Variants in LEPR observed in about 807,000 individuals in gnomAD.
LEPR encodes leptin receptor.
In LEPR, 56 loss-of-function variants were observed where a neutral mutation model predicts 114.7. The observed-to-expected ratio is 0.49, with a 90% CI of 0.39 to 0.61. The LOEUF (loss-of-function observed/expected upper bound fraction) is 0.61, where lower values mean the gene tolerates loss of function less well. LEPR is among the 20% of genes least tolerant of loss of function. The probability of loss-of-function intolerance (pLI) is 0.00; values close to 1 mark genes in which losing one functional copy is unlikely to be tolerated. For missense variants in LEPR, 1,202 were observed against 1,352.9 expected, an observed-to-expected ratio of 0.89 and a Z score of 1.75; for synonymous variants, 443 against 461.4, an observed-to-expected ratio of 0.96 and a Z score of 0.51.
intron 2 of LEPR, among the ~76,000 whole-genome samples, chr1:65,476,386 C>G (rs1171068557): frequency 6.6e-6 from 1 of 151,962 alleles, no homozygotes; most frequent in Non-Finnish European, 1.5e-5. Flanking sequence ...ACGTGCTGTA[C>G]TAAGTGCTGG....
At chr1:65,544,235 C>A (rs1297120346) in intron 2 of LEPR, among the ~76,000 whole-genome samples, 1 of 151,900 alleles carries the variant, frequency 6.6e-6, no homozygotes, top group African/African-American at 2.4e-5. Flanking sequence ...TGATTTGGTG[C>A]TCTGTTTGCC....
At chr1:65,569,336 A>G (rs1481285600) in intron 3 of LEPR, among the ~76,000 whole-genome samples, 2 of 152,246 alleles carry the variant, frequency 1.3e-5, no homozygotes, top group Admixed American at 1.3e-4. Context: ...ATATAAGCCA[A>G]CACAATTGTT....
At chr1:65,537,599 C>A (rs1473869638) in intron 2 of LEPR, among the ~76,000 whole-genome samples, 3 of 151,918 alleles carry the variant, frequency 2.0e-5, no homozygotes, top group African/African-American at 7.3e-5. Context: ...TTGTCATTTC[C>A]ACCACGATAT....
At chr1:65,577,891 TG>T (rs1654704401) in intron 5 of LEPR, 1 of 150,772 alleles carries the variant, frequency 6.6e-6, no homozygotes, top group Non-Finnish European at 1.5e-5. Flanking sequence ...GCGTGTGCCA[TG>T]GTGGTTTGCT....
chr1:65,432,767 A>G, intron 2 of LEPR: 4 of 534,716 alleles, frequency 7.5e-6, no homozygotes, highest in Non-Finnish European at 9.6e-6. Flanking sequence ...AAATATAGGA[A>G]TAATTGAATG....
chr1:65,608,933 A>G, intron 12 of LEPR, 32 bp downstream of exon 12: 1 of 1,612,174 alleles, frequency 6.2e-7, no homozygotes, highest in Non-Finnish European at 8.5e-7. Flanking sequence ...AGCTTTCCTC[A>G]TTAAATGCTA....
At chr1:65,461,166 G>C (rs1283993137) in intron 2 of LEPR, among the ~76,000 whole-genome samples, 1 of 151,208 alleles carries the variant, frequency 6.6e-6, no homozygotes, top group Non-Finnish European at 1.5e-5. Context: ...GTAAAGATGG[G>C]GTTTTACCAT....
chr1:65,464,840 G>A (rs941357429), intron 2 of LEPR, among the ~76,000 whole-genome samples: 1 of 152,106 alleles, frequency 6.6e-6, no homozygotes, highest in African/African-American at 2.4e-5. Context: ...ATTCTCTGAT[G>A]GTAGTTTGTA....
intron 5 of LEPR, among the ~76,000 whole-genome samples, chr1:65,578,041 TG>T (rs2100836687): frequency 6.6e-6 from 1 of 151,376 alleles, no homozygotes; most frequent in East Asian, 1.9e-4. Flanking sequence ...CTCCCACTTA[TG>T]AGTGAGAACG....
At chr1:65,458,734 G>T (rs1646908420) in intron 2 of LEPR, among the ~76,000 whole-genome samples, 1 of 152,014 alleles carries the variant, frequency 6.6e-6, no homozygotes, top group Non-Finnish European at 1.5e-5. Context: ...TTTGGTGTCT[G>T]CTATTAATTT....
At chr1:65,481,361 A>C (rs7523344) in intron 2 of LEPR, among the ~76,000 whole-genome samples, 99,209 of 151,854 alleles carry the variant, frequency 0.65, 33,366 homozygotes, top group Middle Eastern at 0.82. Flanking sequence ...GGGAAAAAAA[A>C]CCCACAACTT....
Position 65,633,151 on chromosome 1 carries a change from G to C in LEPR, c.2674-3040G>C, listed in dbSNP as rs775498996. 1 of 1,584,266 alleles carries C rather than the reference G, an allele frequency of 6.3e-7. No individual in the cohort carries two copies. The highest frequency in any genetic ancestry group is 8.7e-7 in the Non-Finnish European group (1 of 1,155,160). ...TATTTTGTTTTATTTTATCTAAACAGAGAACGGACATTCTTTGAAGTCTAA... is the reference window on the plus strand; with the variant it reads ...TATTTTGTTTTATTTTATCTAAACACAGAACGGACATTCTTTGAAGTCTAA... On this transcript the variant is annotated intron_variant, in intron 19 of 19. Transcript: ENST00000349533. The surrounding 1 kb of genome is among the most constrained non-coding windows in gnomAD (Gnocchi z 4.1).
chr1:65,601,559 G>A lies in LEPR; in HGVS notation c.1162G>A (p.Val388Ile). 1 of 1,613,778 alleles carries A rather than the reference G, an allele frequency of 6.2e-7. No individual in the cohort carries two copies. Among genetic ancestry groups the A allele is most frequent in the Non-Finnish European group, 8.5e-7 (1 of 1,179,752 alleles). ...CCAGTATGATGTTGTGAGTGATCAT[G>A]TTAGCAAAGTTACTTTTTTCAATCT... ...QSQYDVVSDHVSKVTFFNLNE... is the reference protein window; with the variant it reads ...QSQYDVVSDHISKVTFFNLNE... The change falls in exon 9 of 20, where the codon GTT (valine) becomes ATT (isoleucine). Residue 388 changes from valine (V) to isoleucine (I), a missense_variant. By Grantham distance (29) the Val-to-Ile change is conservative (BLOSUM62 3). Transcript: ENST00000349533.
chr1:65,610,358 TG>T (rs1657089866), intron 14 of LEPR, 62 bp downstream of exon 14: 1 of 1,313,726 alleles, frequency 7.6e-7, no homozygotes, highest in Non-Finnish European at 1.1e-6. Context: ...ATTTACTTCA[TG>T]GTCCATAATC....
At chr1:65,575,686 C>A (rs1654536459) in intron 5 of LEPR, among the ~76,000 whole-genome samples, 1 of 151,260 alleles carries the variant, frequency 6.6e-6, no homozygotes, top group Non-Finnish European at 1.5e-5. Context: ...CTAAGAAAAT[C>A]ATGGCAAGTT....
intron 2 of LEPR, among the ~76,000 whole-genome samples, chr1:65,487,438 T>C: frequency 6.6e-6 from 1 of 152,118 alleles, no homozygotes; most frequent in East Asian, 1.9e-4. Context: ...GTATAGTAAG[T>C]AAATATTGGA....
intron 5 of LEPR, among the ~76,000 whole-genome samples, chr1:65,584,656 C>G (rs938881173): frequency 6.6e-6 from 1 of 151,968 alleles, no homozygotes; most frequent in Non-Finnish European, 1.5e-5. Flanking sequence ...TGAAAACAAG[C>G]GTACTAACTG....
chr1:65,614,192 C>T (rs1345157111), intron 14 of LEPR, among the ~76,000 whole-genome samples: 1 of 152,168 alleles, frequency 6.6e-6, no homozygotes, highest in African/African-American at 2.4e-5. Context: ...AAACTAGAGG[C>T]AACTAAGATA....
chr1:65,433,252 G>C, intron 2 of LEPR: 1 of 985,312 alleles, frequency 1.0e-6, no homozygotes, highest in Non-Finnish European at 1.2e-6. Flanking sequence ...TAGGAGCCAT[G>C]TAAGCACGCA....
Sources: allele counts gnomAD v4.1 joint callset (sites outside exome capture counted in the v4.1 genomes callset), GRCh38; gene constraint gnomAD v4.1.1; non-coding constraint Gnocchi (gnomAD v3.1); transcripts MANE v1.5; gene names NCBI Gene and HGNC (gene_info 2026-07-23, HGNC 2026-07-21).